Variants in HDAC4 observed in about 807,000 individuals in gnomAD.
HDAC4 encodes histone deacetylase 4, also known as histone deacetylase A.
HDAC4 carries 16 observed loss-of-function variants against 135.1 expected under a neutral mutation model. That is an observed-to-expected ratio of 0.12 (90% confidence interval 0.08 to 0.18). The LOEUF (loss-of-function observed/expected upper bound fraction) is 0.18, where lower values mean the gene tolerates loss of function less well. Ranked by LOEUF, HDAC4 falls within the 10% of genes least tolerant of loss-of-function variation. The pLI, the probability that HDAC4 is intolerant of heterozygous loss-of-function variation, is 1.00. For missense variants in HDAC4, 1,143 were observed against 1,511.8 expected (o/e 0.76, Z 4.05); for synonymous variants, 685 against 653.4 (o/e 1.05, Z -0.74).
chr2:239,122,745 C>T (rs571045830), intron 12 of HDAC4, among the ~76,000 whole-genome samples: 7 of 152,328 alleles, frequency 4.6e-5, no homozygotes, highest in East Asian at 1.9e-4. Flanking sequence ...GGGCTAGGCA[C>T]GGGCCGCCTC....
chr2:239,113,362 C>T (rs1158250882), intron 13 of HDAC4, among the ~76,000 whole-genome samples: 2 of 152,190 alleles, frequency 1.3e-5, no homozygotes, highest in South Asian at 2.1e-4. Context: ...CACCCACAGG[C>T]CCCCAGTCTG....
At chr2:239,132,633 G>T (rs1197527048) in intron 11 of HDAC4, among the ~76,000 whole-genome samples, 1 of 152,212 alleles carries the variant, frequency 6.6e-6, no homozygotes, top group East Asian at 1.9e-4. Context: ...AAGAAGCAAC[G>T]CCGAGTTCAG....
intron 15 of HDAC4, among the ~76,000 whole-genome samples, chr2:239,104,666 AG>A (rs1427887081): frequency 2.4e-4 from 36 of 152,218 alleles, no homozygotes; most frequent in African/African-American, 8.2e-4. Flanking sequence ...AGGGGACCAC[AG>A]GCTGTGCCCT....
intron 6 of HDAC4, 117 bp from the exon 7 acceptor site, chr2:239,156,890 A>T (rs1575221620): frequency 1.7e-6 from 2 of 1,177,286 alleles, no homozygotes; most frequent in East Asian, 4.9e-5. Flanking sequence ...CCACCTCAAC[A>T]GACACACCTT....
intron 7 of HDAC4, among the ~76,000 whole-genome samples, chr2:239,152,167 A>G (rs1204850454): frequency 6.6e-6 from 1 of 152,210 alleles, no homozygotes; most frequent in Non-Finnish European, 1.5e-5. Flanking sequence ...CTTGCTTTTA[A>G]AAGTGGAAAA....
rs577384199 is a variant in HDAC4 at position 239,261,434 on chromosome 2, G to A, written c.23-24770C>T. Among the ~76,000 whole-genome samples, 21 of 152,304 alleles carry A rather than the reference G, an allele frequency of 1.4e-4. No individual in the cohort carries two copies. In the South Asian group the frequency reaches 3.7e-3, roughly 27 times the overall value. On this transcript the variant is annotated intron_variant, in intron 2 of 26. Transcript: ENST00000543185. ...GGCTCTGCACAGACGGAAGCAAACC[G>A]TGGCAGGCCTGGGCTCTGGGAGGTG...
intron 2 of HDAC4, among the ~76,000 whole-genome samples, chr2:239,243,104 CTTCAAT>C (rs1053276492): frequency 2.0e-5 from 3 of 151,974 alleles, no homozygotes; most frequent in African/African-American, 7.3e-5. Flanking sequence ...TAGCACCTCA[CTTCAAT>C]ATTTCGTTAT....
chr2:239,360,403 C>G (rs1349730372), intron 1 of HDAC4, among the ~76,000 whole-genome samples: 1 of 152,208 alleles, frequency 6.6e-6, no homozygotes, highest in Non-Finnish European at 1.5e-5. Flanking sequence ...AAAAAAGTAG[C>G]TCCAACAGCC....
chr2:239,304,196 A>C (rs544754284), intron 2 of HDAC4, among the ~76,000 whole-genome samples: 2 of 152,226 alleles, frequency 1.3e-5, no homozygotes, highest in Admixed American at 1.3e-4. Flanking sequence ...TGCCTCAAGC[A>C]GTGTGAGCTC....
At chr2:239,159,654 A>C (rs1231359883) in intron 6 of HDAC4, among the ~76,000 whole-genome samples, 1 of 151,644 alleles carries the variant, frequency 6.6e-6, no homozygotes, top group Non-Finnish European at 1.5e-5. Context: ...CACACCCTAC[A>C]CTAAGCTAAC....
At position 239,134,507 on chromosome 2, in the gene HDAC4, A is replaced by G; in HGVS notation, c.1095+20T>C. 1 of 1,613,432 alleles carries G rather than the reference A, an allele frequency of 6.2e-7. No individual in the cohort carries two copies. Among genetic ancestry groups the G allele is most frequent in the Non-Finnish European group, 8.5e-7 (1 of 1,179,520 alleles). On this transcript the variant is annotated intron_variant, in intron 10 of 26. Transcript: ENST00000543185. ...ATCACCACCACCCCACACCACACGGACCCACGGGGGCTGACTTACCGCAGA... is the reference window on the plus strand; with the variant it reads ...ATCACCACCACCCCACACCACACGGGCCCACGGGGGCTGACTTACCGCAGA...
chr2:239,066,809 C>G lies in HDAC4; in HGVS notation c.2916G>C (p.Arg972=). 6.2e-7 allele frequency: 1 copy of G among 1,613,486 alleles called. No homozygotes were observed. The highest frequency in any genetic ancestry group is 8.5e-7 in the Non-Finnish European group (1 of 1,179,952). Residue 972 remains arginine (R), a synonymous_variant, in exon 24 of 27, where the codon CGG becomes CGC. Coordinates refer to ENST00000543185, the MANE Select transcript of HDAC4 (RefSeq NM_001378414.1). ...TKQLMGLAGG[R]IVLALEGGHD... ...GGCCTCCCTCGAGGGCCAGGACAAT[C>G]CGGCCGCCAGCCAGGCCCATCAGCT...
chr2:239,186,181 C>T, intron 4 of HDAC4, among the ~76,000 whole-genome samples: 1 of 152,002 alleles, frequency 6.6e-6, no homozygotes, highest in Non-Finnish European at 1.5e-5. Context: ...CCGGAAAGTC[C>T]AAGGGGACCA....
intron 3 of HDAC4, among the ~76,000 whole-genome samples, chr2:239,212,262 C>G (rs2046386416): frequency 6.6e-6 from 1 of 152,086 alleles, no homozygotes; most frequent in Non-Finnish European, 1.5e-5. Flanking sequence ...TTTCTACCCA[C>G]GGCCTCCTGG....
At chr2:239,116,113 C>T (rs1408489871) in intron 12 of HDAC4, among the ~76,000 whole-genome samples, 2 of 152,188 alleles carry the variant, frequency 1.3e-5, no homozygotes, top group Non-Finnish European at 2.9e-5. Flanking sequence ...GCAGGTGCTC[C>T]TCTCCTGCTC....
intron 6 of HDAC4, chr2:239,162,272 C>T (rs1398315053): frequency 4.8e-5 from 22 of 456,538 alleles, no homozygotes; most frequent in Admixed American, 2.6e-4. Flanking sequence ...GGACCCAAGG[C>T]GGCCCTGCCC....
At chr2:239,250,949 C>T (rs1239136852) in intron 2 of HDAC4, among the ~76,000 whole-genome samples, 1 of 152,192 alleles carries the variant, frequency 6.6e-6, no homozygotes, top group Non-Finnish European at 1.5e-5. Context: ...CACGTGCCCC[C>T]GCCACACGCC....
chr2:239,191,414 A>T (rs996816612), intron 3 of HDAC4, among the ~76,000 whole-genome samples: 1 of 152,170 alleles, frequency 6.6e-6, no homozygotes, highest in Non-Finnish European at 1.5e-5. Context: ...TCTCAAAGCC[A>T]CCGATTTGGG....
Position 239,236,616 on chromosome 2 carries a change from C to T in HDAC4, c.71G>A (p.Arg24His), listed in dbSNP as rs375324432. The change falls in exon 3 of 27, where the codon CGC becomes CAC. Residue 24 changes from arginine to histidine, a missense_variant. Transcript: ENST00000543185. ...DQPVELLNPARVNHMPSTVDV... is the reference protein window; with the variant it reads ...DQPVELLNPAHVNHMPSTVDV... ...ACCCGTGCTGGGCATGTGGTTCACGCGGGCAGGATTCAGCAGCTCCACTGG... is the reference window on the plus strand; with the variant it reads ...ACCCGTGCTGGGCATGTGGTTCACGTGGGCAGGATTCAGCAGCTCCACTGG... 14 of 1,551,764 alleles carry T rather than the reference C, an allele frequency of 9.0e-6. No homozygotes were observed. The highest frequency in any genetic ancestry group is 3.3e-4 in the Middle Eastern group (2 of 5,988).
Sources: gnomAD v4.1 joint callset for allele counts (sites outside exome capture counted in the v4.1 genomes callset) on GRCh38, gnomAD v4.1.1 for gene constraint, MANE v1.5 for transcripts, NCBI Gene and HGNC (gene_info 2026-07-23, HGNC 2026-07-21) for gene names.